Variants in MYO3B observed in about 807,000 individuals in gnomAD.
MYO3B encodes the protein myosin IIIB.
In MYO3B, 156 loss-of-function variants were observed where a neutral mutation model predicts 174.6. The observed-to-expected ratio is 0.89, with a 90% CI of 0.78 to 1.02. The LOEUF (loss-of-function observed/expected upper bound fraction) is 1.02, where lower values mean the gene tolerates loss of function less well. Ranked by LOEUF, MYO3B falls within the 50% of genes least tolerant of loss-of-function variation. The pLI, the probability that MYO3B is intolerant of heterozygous loss-of-function variation, is 0.00. For missense variants in MYO3B, 1,632 were observed against 1,639.4 expected (o/e 1.00, Z 0.08); for synonymous variants, 563 against 569.1 (o/e 0.99, Z 0.15).
intron 7 of MYO3B, among the ~76,000 whole-genome samples, chr2:170,303,002 G>A (rs1265727270): frequency 4.6e-5 from 7 of 152,098 alleles, no homozygotes; most frequent in Middle Eastern, 3.4e-3. Context: ...CAAACATGCC[G>A]CATTTTGTTT....
intron 1 of MYO3B, among the ~76,000 whole-genome samples, chr2:170,196,994 C>G (rs576499384): frequency 6.6e-6 from 1 of 151,478 alleles, no homozygotes; most frequent in African/African-American, 2.4e-5. Context: ...AACCTAGGAT[C>G]GGTCTTTTGA....
At position 170,501,878 on chromosome 2, in the gene MYO3B, T is replaced by A. The variant is rs1687294344; in HGVS notation, c.3370+13T>A. The A allele has an allele frequency of 6.4e-7, 1 of 1,556,720 alleles. No individual in the cohort carries two copies. Among genetic ancestry groups the A allele is most frequent in the South Asian group, 1.1e-5 (1 of 89,222 alleles). ...CATAATCAAGCAGGTAATTAAAACATCATTTTCACAGTGTCCACTTGAAAA... is the reference window on the plus strand; with the variant it reads ...CATAATCAAGCAGGTAATTAAAACAACATTTTCACAGTGTCCACTTGAAAA... On this transcript the variant is annotated intron_variant, in intron 28 of 34. Transcript: ENST00000408978.
intron 1 of MYO3B, among the ~76,000 whole-genome samples, chr2:170,194,562 T>C (rs1192862472): frequency 1.3e-5 from 2 of 152,158 alleles, no homozygotes; most frequent in Admixed American, 6.6e-5. Flanking sequence ...TTTCTGGTTT[T>C]GAATGTTAAC....
At chr2:170,545,018 CTG>C (rs1690387879) in intron 32 of MYO3B, among the ~76,000 whole-genome samples, 1 of 152,042 alleles carries the variant, frequency 6.6e-6, no homozygotes, top group Non-Finnish European at 1.5e-5. Flanking sequence ...CAGACAGTCT[CTG>C]TATTTTAATT....
intron 23 of MYO3B, among the ~76,000 whole-genome samples, chr2:170,451,925 G>C (rs1261825979): frequency 6.6e-6 from 1 of 152,182 alleles, no homozygotes; most frequent in Non-Finnish European, 1.5e-5. Flanking sequence ...TATGGAAGAA[G>C]ACAGTACAAC....
chr2:170,460,832 T>C (rs2105951781), intron 23 of MYO3B, among the ~76,000 whole-genome samples: 1 of 152,326 alleles, frequency 6.6e-6, no homozygotes, highest in Admixed American at 6.5e-5. Context: ...ACAATACAGA[T>C]TATTCCTTTT....
chr2:170,626,137 T>G (rs1329428629), intron 32 of MYO3B, among the ~76,000 whole-genome samples: 1 of 152,198 alleles, frequency 6.6e-6, no homozygotes, highest in Admixed American at 6.5e-5. Flanking sequence ...TTGATCTGTT[T>G]AATGTTGACC....
chr2:170,562,906 T>C (rs757084520), intron 32 of MYO3B, among the ~76,000 whole-genome samples: 9 of 142,046 alleles, frequency 6.3e-5, no homozygotes, highest in Non-Finnish European at 1.3e-4. Context: ...AGGGAAACTA[T>C]GTGAGATGCT....
At chr2:170,555,969 G>T (rs1372488139) in intron 32 of MYO3B, among the ~76,000 whole-genome samples, 1 of 152,122 alleles carries the variant, frequency 6.6e-6, no homozygotes, top group Non-Finnish European at 1.5e-5. Flanking sequence ...GCCAAGACAG[G>T]TGGATCACTT....
chr2:170,401,803 T>TTTC, intron 18 of MYO3B, 112 bp downstream of exon 18: 3 of 363,376 alleles, frequency 8.3e-6, no homozygotes, highest in Non-Finnish European at 1.2e-5. Flanking sequence ...TTTCTTTTTC[T>TTTC]TTTTTTTTTT....
At chr2:170,462,463 C>T (rs894850817) in intron 23 of MYO3B, among the ~76,000 whole-genome samples, 5 of 152,242 alleles carry the variant, frequency 3.3e-5, no homozygotes, top group African/African-American at 1.2e-4. Flanking sequence ...CCTCCTAACT[C>T]TCACCCCTTT....
At chr2:170,636,957 CGTGTGTGTGT>C (rs3047156) in intron 32 of MYO3B, among the ~76,000 whole-genome samples, 94 of 146,668 alleles carry the variant, frequency 6.4e-4, no homozygotes, top group Non-Finnish European at 9.6e-4. Context: ...TGCTTTTGTG[CGTGTGTGTGT>C]GTGTGTGTGT....
intron 7 of MYO3B, among the ~76,000 whole-genome samples, chr2:170,333,483 A>G (rs1486334700): frequency 6.6e-6 from 1 of 152,222 alleles, no homozygotes; most frequent in Non-Finnish European, 1.5e-5. Context: ...TATGAAGGGT[A>G]ACTAAATTCG....
intron 7 of MYO3B, among the ~76,000 whole-genome samples, chr2:170,272,791 C>T (rs1012610226): frequency 6.6e-6 from 1 of 152,118 alleles, no homozygotes; most frequent in Non-Finnish European, 1.5e-5. Context: ...TTCTTTTGCC[C>T]TTTCTTTGCC....
intron 22 of MYO3B, among the ~76,000 whole-genome samples, chr2:170,439,075 G>GTTTT (rs369103393): frequency 7.6e-6 from 1 of 131,800 alleles, no homozygotes; most frequent in African/African-American, 2.9e-5. Flanking sequence ...TATTTAAATT[G>GTTTT]TTTTTTTTTT....
intron 9 of MYO3B, among the ~76,000 whole-genome samples, chr2:170,379,387 A>G (rs13014770): frequency 0.82 from 124,249 of 152,042 alleles, 52,415 homozygotes; most frequent in East Asian, 0.95. Flanking sequence ...TAGAGACGGG[A>G]TTTCACCATG....
At position 170,401,903 on chromosome 2, in the gene MYO3B, A is replaced by C. The variant is rs562346058; in HGVS notation, c.2129+212A>C. On this transcript the variant is annotated intron_variant, in intron 18 of 34. Transcript: ENST00000408978. ...CTGCAACCTCCAACTCCAGGGTTCA[A>C]GTGATTCAACTGCCTCCGCCTCTTG... is the stretch of plus-strand genomic sequence containing the variant. 7.3e-5 allele frequency among the ~76,000 whole-genome samples: 11 copies of C among 150,570 alleles called. No homozygotes were observed. In the East Asian group the frequency reaches 2.2e-3, roughly 30 times the overall value.
intron 7 of MYO3B, among the ~76,000 whole-genome samples, chr2:170,268,547 A>T (rs559670242): frequency 6.6e-6 from 1 of 152,224 alleles, no homozygotes; most frequent in Non-Finnish European, 1.5e-5. Context: ...TATTCACTTC[A>T]TTGAACATTT....
intron 32 of MYO3B, among the ~76,000 whole-genome samples, chr2:170,581,181 T>C (rs561649017): frequency 1.2e-4 from 19 of 152,306 alleles, no homozygotes; most frequent in African/African-American, 3.8e-4. Flanking sequence ...TCACCAACTC[T>C]TTGAATTTCC....
Sources: gnomAD v4.1 joint callset for allele counts (sites outside exome capture counted in the v4.1 genomes callset) on GRCh38, gnomAD v4.1.1 for gene constraint, MANE v1.5 for transcripts, NCBI Gene and HGNC (gene_info 2026-07-23, HGNC 2026-07-21) for gene names.